The following CMSS1 variants were observed in gnomAD, a reference collection of about 807,000 sequenced individuals.
CMSS1 encodes protein CMSS1.
Under a neutral mutation model 43.5 loss-of-function variants are expected in CMSS1, and 33 were observed. The observed-to-expected ratio is 0.76, with a 90% CI of 0.57 to 1.01. The LOEUF is 1.01. CMSS1 is among the 50% of genes least tolerant of loss of function. The pLI, the probability that CMSS1 is intolerant of heterozygous loss-of-function variation, is 0.00. For synonymous variants in CMSS1, 115 were observed against 117.2 expected (o/e 0.98, Z 0.12); for missense variants, 313 against 326.4 (o/e 0.96, Z 0.32).
At chr3:99,876,680 G>A (rs1020927088) in intron 1 of CMSS1, among the ~76,000 whole-genome samples, 2 of 152,148 alleles carry the variant, frequency 1.3e-5, no homozygotes, top group African/African-American at 4.8e-5. Context: ...GTAATGAGTA[G>A]GGGTCCTCAG....
At chr3:100,055,530 A>G (rs560223112) in intron 1 of CMSS1, among the ~76,000 whole-genome samples, 82 of 152,376 alleles carry the variant, frequency 5.4e-4, no homozygotes, top group African/African-American at 1.9e-3. Context: ...TTTAGAGTTT[A>G]TAAGAGTAGC....
chr3:99,848,086 T>TA, intron 1 of CMSS1: 1 of 1,370,602 alleles, frequency 7.3e-7, no homozygotes, highest in Non-Finnish European at 9.4e-7. Context: ...AATGAAAAGA[T>TA]ATACAGTAAG....
At chr3:99,988,339 TCCAAAAAAA>T (rs1166245080) in intron 1 of CMSS1, among the ~76,000 whole-genome samples, 9 of 28,350 alleles carry the variant, frequency 3.2e-4, no homozygotes, top group African/African-American at 5.0e-4. Context: ...CTACTAAAAA[TCCAAAAAAA>T]AAAAAAAAAA....
chr3:99,936,189 C>T (rs1396016907), intron 1 of CMSS1, among the ~76,000 whole-genome samples: 1 of 151,798 alleles, frequency 6.6e-6, no homozygotes, highest in South Asian at 2.1e-4. Flanking sequence ...CATTTTTGGT[C>T]TTGGTCATTT....
At chr3:99,907,750 T>A (rs1706666426) in intron 1 of CMSS1, among the ~76,000 whole-genome samples, 1 of 152,204 alleles carries the variant, frequency 6.6e-6, no homozygotes, top group Non-Finnish European at 1.5e-5. Context: ...TCTCTTTTTC[T>A]CCTTGTCTGA....
At position 100,058,421 on chromosome 3, in the gene CMSS1, A is replaced by G. The variant is rs543006378; in HGVS notation, c.65-88552A>G. Among the ~76,000 whole-genome samples, 5 of 152,350 alleles carry G rather than the reference A, an allele frequency of 3.3e-5. No individual in the cohort carries two copies. In the South Asian group the frequency reaches 1.0e-3, roughly 32 times the overall value. On this transcript the variant is annotated intron_variant, in intron 1 of 9. Coordinates refer to ENST00000421999, the MANE Select transcript of CMSS1 (RefSeq NM_032359.4). ...GATCACCTCTGAAGGCAGGCAGAGA[A>G]AAGTTGACACATAGTTAAGTGAGGC...
At chr3:99,962,743 TTAAA>T (rs1372991782) in intron 1 of CMSS1, among the ~76,000 whole-genome samples, 19 of 152,214 alleles carry the variant, frequency 1.2e-4, no homozygotes, top group South Asian at 4.1e-4. Flanking sequence ...TACAGTTAGT[TTAAA>T]TAACTTCCCA....
At chr3:100,172,173 T>A in intron 7 of CMSS1, 143 bp from the exon 8 acceptor site, 1 of 709,916 alleles carries the variant, frequency 1.4e-6, no homozygotes, top group Non-Finnish European at 2.4e-6. Flanking sequence ...TATGCTCATC[T>A]CTGCCCTGGA....
chr3:100,178,523 A>G lies in CMSS1; in HGVS notation c.*135A>G. Reference sequence around the variant, plus strand: ...TTGTGTCAACAGATGGATCACTGGAATGTGGGGATTCTGAAACAGAAATGA... The same window carrying G: ...TTGTGTCAACAGATGGATCACTGGAGTGTGGGGATTCTGAAACAGAAATGA... On this transcript the variant is annotated 3_prime_UTR_variant, in exon 10 of 10. Coordinates refer to ENST00000421999, the MANE Select transcript of CMSS1 (RefSeq NM_032359.4). The G allele has an allele frequency of 1.7e-6, 1 of 589,318 alleles. No homozygotes were observed. The highest frequency in any genetic ancestry group is 3.0e-6 in the Non-Finnish European group (1 of 329,370). The allele number at this position is 589,318 out of a possible 1,614,324, so 36.5% of individuals were successfully genotyped here. A position where few individuals can be genotyped will look rare whatever the true frequency, so the allele number is the denominator to read the frequency against.
At chr3:99,911,714 C>T (rs1404700082) in intron 1 of CMSS1, among the ~76,000 whole-genome samples, 1 of 152,220 alleles carries the variant, frequency 6.6e-6, no homozygotes, top group Admixed American at 6.5e-5. Context: ...TCTTTCTAAT[C>T]AGATCCTTGA....
rs543020293 is a variant in CMSS1 at position 99,949,645 on chromosome 3, A to G, written c.64+131602A>G. Among the ~76,000 whole-genome samples the G allele has an allele frequency of 5.4e-4, 82 of 152,368 alleles. No homozygotes were observed. In the Middle Eastern group the frequency reaches 0.014, roughly 25 times the overall value. ...TTTCCTAAGAAAGACAAAGAAGTGC[A>G]TGGTGCTTATGTTATAATTTCCTAA... On this transcript the variant is annotated intron_variant, in intron 1 of 9. Coordinates refer to ENST00000421999, the MANE Select transcript of CMSS1 (RefSeq NM_032359.4).
intron 1 of CMSS1, chr3:100,040,269 C>T (rs1041470305): frequency 6.6e-6 from 1 of 152,086 alleles, no homozygotes; most frequent in Non-Finnish European, 1.5e-5. Context: ...TTGCATATTT[C>T]ATTTGCATAA....
chr3:100,061,611 C>G (rs916709980), intron 1 of CMSS1, among the ~76,000 whole-genome samples: 1 of 152,144 alleles, frequency 6.6e-6, no homozygotes, highest in African/African-American at 2.4e-5. Context: ...ATTACAACAC[C>G]ATTAACAACC....
chr3:100,147,966 A>G (rs1323106696), intron 2 of CMSS1, among the ~76,000 whole-genome samples: 1 of 152,198 alleles, frequency 6.6e-6, no homozygotes, highest in Non-Finnish European at 1.5e-5. Flanking sequence ...TTGGGTTTCC[A>G]TCAAACCTGA....
chr3:99,913,931 C>A (rs914440844), intron 1 of CMSS1, among the ~76,000 whole-genome samples: 1 of 152,040 alleles, frequency 6.6e-6, no homozygotes. Flanking sequence ...CTGAGAAATT[C>A]ATGGAAATAA....
chr3:99,887,509 C>A (rs1441024191), intron 1 of CMSS1, among the ~76,000 whole-genome samples: 5 of 152,148 alleles, frequency 3.3e-5, no homozygotes, highest in Non-Finnish European at 7.3e-5. Context: ...TGGATCCAGG[C>A]TACGAATAGG....
At chr3:99,976,378 TGTAA>T (rs936203054) in intron 1 of CMSS1, among the ~76,000 whole-genome samples, 1 of 152,194 alleles carries the variant, frequency 6.6e-6, no homozygotes, top group Non-Finnish European at 1.5e-5. Flanking sequence ...TATTGGATGT[TGTAA>T]GTAAGTTATT....
chr3:99,879,426 A>ATTATT (rs1705646921), intron 1 of CMSS1, among the ~76,000 whole-genome samples: 1 of 152,218 alleles, frequency 6.6e-6, no homozygotes, highest in Admixed American at 6.5e-5. Flanking sequence ...CAACATCATC[A>ATTATT]TTATTTAACT....
intron 1 of CMSS1, among the ~76,000 whole-genome samples, chr3:100,060,347 C>A (rs936286448): frequency 6.6e-5 from 10 of 152,120 alleles, no homozygotes; most frequent in African/African-American, 2.4e-4. Context: ...CTCTTCCATC[C>A]CTTTATACCA....
Sources: gnomAD v4.1 joint callset for allele counts (sites outside exome capture counted in the v4.1 genomes callset) on GRCh38, gnomAD v4.1.1 for gene constraint, MANE v1.5 for transcripts, NCBI Gene and HGNC (gene_info 2026-07-23, HGNC 2026-07-21) for gene names.